The following UNC13C variants were observed in gnomAD, a reference collection of about 807,000 sequenced individuals.
The protein encoded by UNC13C is unc-13 homolog C.
A neutral mutation model predicts 245.4 loss-of-function variants in UNC13C; 174 were observed. The observed-to-expected ratio is 0.71, with a 90% CI of 0.63 to 0.80. The LOEUF is 0.80. UNC13C is among the 30% of genes least tolerant of loss of function. UNC13C has a pLI of 0.00. For missense variants in UNC13C, 2,829 were observed against 2,602.9 expected (o/e 1.09, Z -1.89); for synonymous variants, 992 against 895.1 (o/e 1.11, Z -1.93).
intron 2 of UNC13C, among the ~76,000 whole-genome samples, chr15:54,127,076 G>A (rs1430065298): frequency 6.6e-6 from 1 of 152,216 alleles, no homozygotes; most frequent in East Asian, 1.9e-4. Flanking sequence ...AGAAGCTGTA[G>A]AGAAATAGGA....
Position 54,014,338 on chromosome 15 carries a change from A to G in UNC13C, c.1435A>G (p.Thr479Ala), listed in dbSNP as rs770206471. 4.1e-5 allele frequency: 66 copies of G among 1,613,758 alleles called. 1 individual carries two copies. The highest frequency in any genetic ancestry group is 3.7e-5 in the Non-Finnish European group (44 of 1,179,812). The change falls in exon 2 of 33, where the codon ACT becomes GCT. Residue 479 changes from threonine (T) to alanine (A), a missense_variant. Thr to Ala is a moderately conservative substitution (Grantham distance 58). Coordinates refer to ENST00000260323, the MANE Select transcript of UNC13C (RefSeq NM_001080534.3). ...GTCAGAGCTTCTAACAAAGGGAAGT[A>G]CTTCCAAGCCAAGCTCAAAATCACA... ...SKSELLTKGS[T>A]SKPSSKSHSA...
At chr15:54,277,551 T>C (rs2036864880) in intron 10 of UNC13C, among the ~76,000 whole-genome samples, 1 of 152,196 alleles carries the variant, frequency 6.6e-6, no homozygotes, top group Non-Finnish European at 1.5e-5. Flanking sequence ...GGTTTATTAC[T>C]TTATAGAACT....
chr15:54,229,620 T>G (rs1484855161), intron 4 of UNC13C, among the ~76,000 whole-genome samples: 1 of 152,222 alleles, frequency 6.6e-6, no homozygotes, highest in African/African-American at 2.4e-5. Context: ...CATAGTTATA[T>G]TTATGGGGTG....
intron 2 of UNC13C, among the ~76,000 whole-genome samples, chr15:54,054,193 C>T (rs763544683): frequency 6.6e-6 from 1 of 152,142 alleles, no homozygotes; most frequent in Non-Finnish European, 1.5e-5. Flanking sequence ...TTTGAGGAAC[C>T]TCCAAACTGT....
chr15:54,519,174 T>G (rs1034871156), intron 24 of UNC13C, among the ~76,000 whole-genome samples: 5 of 152,142 alleles, frequency 3.3e-5, no homozygotes, highest in Non-Finnish European at 7.4e-5. Context: ...TCTGTCATTA[T>G]AAGGACAATC....
At chr15:53,959,117 G>C in the UNC13C span, among the ~76,000 whole-genome samples, 6 of 152,128 alleles carry the variant, frequency 3.9e-5, no homozygotes, top group Non-Finnish European at 8.8e-5. Context: ...TGCTGTAAAT[G>C]ACAGGATTTC....
At chr15:54,609,600 A>G (rs532435150) in intron 30 of UNC13C, among the ~76,000 whole-genome samples, 11 of 152,306 alleles carry the variant, frequency 7.2e-5, no homozygotes, top group African/African-American at 2.6e-4. Context: ...AGATAATATG[A>G]GAGTGTATGA....
At chr15:54,555,345 T>C (rs928785645) in intron 28 of UNC13C, 87 bp from the exon 29 acceptor site, 17 of 1,008,612 alleles carry the variant, frequency 1.7e-5, no homozygotes, top group Non-Finnish European at 2.3e-5. Context: ...AAGTTTGGCA[T>C]ATGGGGATAA....
intron 22 of UNC13C, among the ~76,000 whole-genome samples, chr15:54,504,335 A>G (rs758633644): frequency 1.1e-4 from 16 of 152,148 alleles, no homozygotes; most frequent in Non-Finnish European, 2.2e-4. Context: ...TAATAATGAT[A>G]ATTCATTGAG....
chr15:54,320,636 G>A (rs1044016952), intron 13 of UNC13C: 3 of 239,916 alleles, frequency 1.3e-5, no homozygotes, highest in East Asian at 2.4e-4. Context: ...ACTGTGCCCA[G>A]CTGAATTCAC....
the UNC13C span, among the ~76,000 whole-genome samples, chr15:53,967,333 T>C: frequency 6.8e-6 from 1 of 147,160 alleles, no homozygotes; most frequent in Non-Finnish European, 1.5e-5. Flanking sequence ...TTTTTTTTGT[T>C]GTTTTGTTTT....
chr15:54,387,590 C>G (rs368622228), intron 17 of UNC13C, among the ~76,000 whole-genome samples: 4 of 152,182 alleles, frequency 2.6e-5, no homozygotes, highest in Admixed American at 6.5e-5. Flanking sequence ...TGATCTCCTA[C>G]CTCAAAACTA....
chr15:54,534,911 G>T (rs1895923166), intron 26 of UNC13C, among the ~76,000 whole-genome samples: 1 of 152,136 alleles, frequency 6.6e-6, no homozygotes, highest in Non-Finnish European at 1.5e-5. Context: ...CTAAGGGAGT[G>T]CTAAACATGA....
At chr15:54,283,757 C>T (rs2037066612) in intron 10 of UNC13C, among the ~76,000 whole-genome samples, 1 of 151,230 alleles carries the variant, frequency 6.6e-6, no homozygotes, top group South Asian at 2.1e-4. Context: ...ATTTAATCCC[C>T]TTAAAAGTAA....
In UNC13C at chr15:54,230,990, C is replaced by A. The variant is rs147320446; in HGVS notation, c.3072-4040C>A. Among the ~76,000 whole-genome samples the A allele has an allele frequency of 4.7e-3, 709 of 152,110 alleles. 18 individuals are homozygous for A. The East Asian group carries it at 0.058, about 12-fold the overall frequency. ...GTCATTTTATGCAGCCATTGACTTT[C>A]CAACTACTTCCATCGATGTCTTCAG... On this transcript the variant is annotated intron_variant, in intron 4 of 32. Coordinates refer to ENST00000260323, the MANE Select transcript of UNC13C (RefSeq NM_001080534.3).
chr15:53,911,317 A>T, the UNC13C span: 2 of 152,212 alleles, frequency 1.3e-5, no homozygotes, highest in African/African-American at 4.8e-5. Flanking sequence ...CCTTGAGCCC[A>T]TCCTCCTGGC....
intron 2 of UNC13C, among the ~76,000 whole-genome samples, chr15:54,094,213 C>T (rs879365453): frequency 6.6e-6 from 1 of 152,092 alleles, no homozygotes; most frequent in Non-Finnish European, 1.5e-5. Context: ...GAGACGTCTC[C>T]GCTAAACTTT....
intron 2 of UNC13C, among the ~76,000 whole-genome samples, chr15:54,121,089 G>T (rs1245239701): frequency 6.6e-6 from 1 of 152,160 alleles, no homozygotes. Flanking sequence ...GTCCAATTTT[G>T]AAAGAATTCC....
chr15:54,147,789 C>CGT (rs56353727), intron 4 of UNC13C, among the ~76,000 whole-genome samples: 5,495 of 147,564 alleles, frequency 0.037, 354 homozygotes, highest in African/African-American at 0.13. Context: ...AAGGTGTGTG[C>CGT]GTGTGTGTGT....
Sources: gnomAD v4.1 joint callset for allele counts (sites outside exome capture counted in the v4.1 genomes callset) on GRCh38, gnomAD v4.1.1 for gene constraint, MANE v1.5 for transcripts, NCBI Gene and HGNC (gene_info 2026-07-23, HGNC 2026-07-21) for gene names.